KIFAP3: variants seen among roughly 807,000 people sequenced by gnomAD.
The protein encoded by KIFAP3 is kinesin associated protein 3, also known as kinesin-associated protein 3.
KIFAP3 carries 68 observed loss-of-function variants against 106.5 expected under a neutral mutation model. That is an observed-to-expected ratio of 0.64 (90% confidence interval 0.53 to 0.78). The LOEUF is 0.78. KIFAP3 is among the 30% of genes least tolerant of loss of function. The pLI is 0.00. For synonymous variants in KIFAP3, 320 were observed against 311.5 expected (o/e 1.03, Z -0.29); for missense variants, 780 against 941.8 (o/e 0.83, Z 2.25).
At chr1:169,991,632 T>C (rs1308995711) in intron 11 of KIFAP3, among the ~76,000 whole-genome samples, 1 of 152,152 alleles carries the variant, frequency 6.6e-6, no homozygotes, top group Non-Finnish European at 1.5e-5. Context: ...TATCCTACTT[T>C]TAAGAATTTA....
In KIFAP3 at chr1:170,046,210, C is replaced by CAAAAAAAA. The variant is rs60580320; in HGVS notation, c.319+494_319+501dup. ...CCAGATTAAACCTTTTTCTCTGCTG[C>CAAAAAAAA]AAAAAAAAAAAAAAAAAAAGGAAAC... is the stretch of plus-strand genomic sequence containing the variant. On this transcript the variant is annotated intron_variant, in intron 3 of 19. Transcript: ENST00000361580. Among the ~76,000 whole-genome samples, 176 of 56,912 alleles carry CAAAAAAAA rather than the reference C, an allele frequency of 3.1e-3. 18 individuals are homozygous for CAAAAAAAA. Among genetic ancestry groups the CAAAAAAAA allele is most frequent in the East Asian group, 7.9e-3 (6 of 764 alleles). The allele number at this position is 56,912 out of a possible 152,430, so 37.3% of individuals were successfully genotyped here. A position where few individuals can be genotyped will look rare whatever the true frequency, so the allele number is the denominator to read the frequency against.
intron 11 of KIFAP3, among the ~76,000 whole-genome samples, chr1:169,991,609 CTTTTGACTTAGCTATCCTACT>C (rs1667111516): frequency 6.6e-6 from 1 of 152,094 alleles, no homozygotes; most frequent in Non-Finnish European, 1.5e-5. Flanking sequence ...TGTTTATTAT[CTTTTGACTTAGCTATCCTACT>C]TTTAAGAATT....
At chr1:170,040,065 T>C (rs1219306793) in intron 3 of KIFAP3, among the ~76,000 whole-genome samples, 1 of 152,148 alleles carries the variant, frequency 6.6e-6, no homozygotes, top group East Asian at 1.9e-4. Flanking sequence ...AAATATATGA[T>C]AGAATTAGTC....
Position 170,055,323 on chromosome 1 carries a change from C to T in KIFAP3, c.146G>A (p.Arg49Gln), listed in dbSNP as rs200729149. 1.6e-5 allele frequency: 25 copies of T among 1,599,714 alleles called. No individual in the cohort carries two copies. Among genetic ancestry groups the T allele is most frequent in the East Asian group, 4.5e-5 (2 of 44,622 alleles). The change falls in exon 2 of 20, where the codon CGA (arginine) becomes CAA (glutamine). Residue 49 changes from arginine to glutamine, a missense_variant. Around this residue, in one of 3 missense-constraint regions of KIFAP3, gnomAD observed 588 missense variants for 678.9 expected, o/e 0.87. Coordinates refer to ENST00000361580, the MANE Select transcript of KIFAP3 (RefSeq NM_014970.4). ...AACTTACATTTTTTGACATTCTTTT[C>T]GTTCTCCCAACATGGGGTCCCCCAT... ...GEMGDPMLGE[R>Q]KECQKIIRLK... is the part of the protein sequence containing the mutation.
At chr1:169,947,068 T>C (rs758966703) in intron 19 of KIFAP3, among the ~76,000 whole-genome samples, 2 of 151,998 alleles carry the variant, frequency 1.3e-5, no homozygotes, top group East Asian at 3.8e-4. Context: ...ACTTGTCATA[T>C]AGTACTATTT....
intron 19 of KIFAP3, among the ~76,000 whole-genome samples, chr1:169,950,168 TA>T (rs544815392): frequency 1.3e-5 from 2 of 152,084 alleles, no homozygotes; most frequent in Admixed American, 6.6e-5. Flanking sequence ...TTTAAACAAT[TA>T]AAAAAACCCT....
intron 18 of KIFAP3, among the ~76,000 whole-genome samples, chr1:169,958,943 G>A (rs1665175449): frequency 6.6e-6 from 1 of 151,988 alleles, no homozygotes; most frequent in Admixed American, 6.6e-5. Context: ...AAACATGGGA[G>A]AATCATATAC....
chr1:170,075,271 C>A (rs986055345), upstream of KIFAP3, among the ~76,000 whole-genome samples: 3 of 152,178 alleles, frequency 2.0e-5, no homozygotes, highest in African/African-American at 7.2e-5. Flanking sequence ...AAGAAGGGTT[C>A]TTTTTTAACT....
intron 16 of KIFAP3, among the ~76,000 whole-genome samples, chr1:169,973,179 CCAAAAA>C (rs1055201643): frequency 8.2e-6 from 1 of 122,432 alleles, no homozygotes; most frequent in African/African-American, 3.1e-5. Context: ...CAGAAAAGAA[CCAAAAA>C]CAAAAGCAAA....
chr1:170,042,974 A>G (rs1456024164), intron 3 of KIFAP3, among the ~76,000 whole-genome samples: 10 of 152,084 alleles, frequency 6.6e-5, no homozygotes, highest in African/African-American at 2.4e-4. Flanking sequence ...CGCTTTTTTC[A>G]TATTAGTTTG....
At chr1:169,978,515 T>C (rs936985401) in intron 15 of KIFAP3, among the ~76,000 whole-genome samples, 1 of 152,042 alleles carries the variant, frequency 6.6e-6, no homozygotes, top group Admixed American at 6.6e-5. Context: ...TGAACTATCA[T>C]AAAAAGGTAT....
upstream of KIFAP3, among the ~76,000 whole-genome samples, chr1:170,078,125 T>C (rs1671953843): frequency 6.6e-6 from 1 of 152,188 alleles, no homozygotes; most frequent in South Asian, 2.1e-4. Flanking sequence ...ACCACCAAAC[T>C]GTTTTCCAAA....
At chr1:169,993,444 C>G (rs1042414532) in intron 10 of KIFAP3, among the ~76,000 whole-genome samples, 1 of 151,628 alleles carries the variant, frequency 6.6e-6, no homozygotes, top group Non-Finnish European at 1.5e-5. Context: ...TAGTGTAGAA[C>G]ATGGAAGTTG....
intron 1 of KIFAP3, among the ~76,000 whole-genome samples, chr1:170,066,175 ACC>A (rs35418624): frequency 0.26 from 34,280 of 132,906 alleles, 4,441 homozygotes; most frequent in Middle Eastern, 0.31. Flanking sequence ...TATTGCCTAC[ACC>A]CCCCCCCCCA....
intron 15 of KIFAP3, among the ~76,000 whole-genome samples, chr1:169,980,891 C>T (rs527787869): frequency 3.2e-4 from 49 of 152,106 alleles, no homozygotes; most frequent in Non-Finnish European, 5.9e-4. Context: ...CACCTGAGGT[C>T]GGGAGTTCAA....
intron 19 of KIFAP3, among the ~76,000 whole-genome samples, chr1:169,943,604 C>T (rs886270421): frequency 8.6e-5 from 13 of 152,040 alleles, no homozygotes; most frequent in African/African-American, 1.5e-4. Context: ...GCCTTTATGA[C>T]GGTAATTTGC....
chr1:170,076,031 GTAAAATTGGAAGACCAAAATATACAT>G (rs1193654418), upstream of KIFAP3, among the ~76,000 whole-genome samples: 1 of 151,964 alleles, frequency 6.6e-6, no homozygotes, highest in Non-Finnish European at 1.5e-5. Context: ...TTCACAATAC[GTAAAATTGGAAGACCAAAATATACAT>G]TAAAATGCAT....
At chr1:169,935,586 T>C (rs1453174215) in intron 19 of KIFAP3, among the ~76,000 whole-genome samples, 1 of 152,012 alleles carries the variant, frequency 6.6e-6, no homozygotes, top group African/African-American at 2.4e-5. Flanking sequence ...AGAGAACATA[T>C]TCAGGAAATT....
intron 19 of KIFAP3, among the ~76,000 whole-genome samples, chr1:169,947,044 T>C (rs1393827744): frequency 2.0e-5 from 3 of 151,960 alleles, no homozygotes; most frequent in South Asian, 2.1e-4. Context: ...CTGCATTATC[T>C]TAGGAATAAT....
Sources: allele counts gnomAD v4.1 joint callset (sites outside exome capture counted in the v4.1 genomes callset), GRCh38; gene constraint gnomAD v4.1.1; regional missense constraint gnomAD v4.1.1; transcripts MANE v1.5; gene names NCBI Gene and HGNC (gene_info 2026-07-23, HGNC 2026-07-21).